CPM: variants seen among roughly 807,000 people sequenced by gnomAD.
The protein encoded by CPM is carboxypeptidase M.
A neutral mutation model predicts 46.4 loss-of-function variants in CPM; 35 were observed. The observed-to-expected ratio is 0.75, with a 90% CI of 0.58 to 1.00. The LOEUF (loss-of-function observed/expected upper bound fraction) is 1.00. CPM is among the 50% of genes least tolerant of loss of function. CPM has a pLI of 0.00. For synonymous variants in CPM, 195 were observed against 195.3 expected, an observed-to-expected ratio of 1.00 and a Z score of 0.01; for missense variants, 422 against 530.4, an observed-to-expected ratio of 0.80 and a Z score of 2.01.
intron 1 of CPM, among the ~76,000 whole-genome samples, chr12:68,951,720 G>A (rs1032293710): frequency 6.6e-6 from 1 of 152,208 alleles, no homozygotes; most frequent in African/African-American, 2.4e-5. Context: ...TGGAAACTGG[G>A]AGGTGCCAGA....
At chr12:68,922,307 G>C (rs1292086405) in intron 2 of CPM, among the ~76,000 whole-genome samples, 1 of 152,214 alleles carries the variant, frequency 6.6e-6, no homozygotes, top group Non-Finnish European at 1.5e-5. Flanking sequence ...AGGAGGCTTA[G>C]TTATGTGTTT....
At chr12:68,866,093 T>C (rs1360852441) in intron 7 of CPM, among the ~76,000 whole-genome samples, 1 of 151,912 alleles carries the variant, frequency 6.6e-6, no homozygotes, top group African/African-American at 2.4e-5. Flanking sequence ...TCTGGCAGAG[T>C]TCGGAGGTGA....
At chr12:68,844,649 GA>G in intron 5 of CPM, 1 of 225,284 alleles carries the variant, frequency 4.4e-6, no homozygotes, top group Non-Finnish European at 8.8e-6. Flanking sequence ...AAGTACATCA[GA>G]AAAAAACAAA....
chr12:68,931,763 A>AAAAAAAAAAAAAAAAAAAG (rs1482981614), intron 2 of CPM, among the ~76,000 whole-genome samples: 1 of 132,504 alleles, frequency 7.5e-6, no homozygotes, highest in African/African-American at 3.1e-5. Context: ...AAAAAAAAAA[A>AAAAAAAAAAAAAAAAAAAG]AAAGAAAGAA....
chr12:68,921,389 G>A (rs931956990), intron 2 of CPM, among the ~76,000 whole-genome samples: 4 of 152,208 alleles, frequency 2.6e-5, no homozygotes, highest in East Asian at 1.9e-4. Flanking sequence ...TGATCCACCC[G>A]CCTCAGCCTC....
chr12:68,921,245 G>A (rs1592697334), intron 2 of CPM, among the ~76,000 whole-genome samples: 2 of 151,244 alleles, frequency 1.3e-5, no homozygotes, highest in African/African-American at 2.4e-5. Flanking sequence ...GGGTTCAAGC[G>A]ATTCTCCTGC....
At chr12:68,944,464 T>C (rs566596926) in intron 1 of CPM, among the ~76,000 whole-genome samples, 52 of 152,166 alleles carry the variant, frequency 3.4e-4, no homozygotes, top group Non-Finnish European at 7.2e-4. Context: ...AGTGCAGTGG[T>C]ATAATCATAG....
intron 3 of CPM, among the ~76,000 whole-genome samples, chr12:68,882,395 T>C (rs901227783): frequency 6.9e-6 from 1 of 144,266 alleles, no homozygotes; most frequent in South Asian, 2.1e-4. Context: ...AAGTGCATGA[T>C]CTTGTTCTTT....
intron 2 of CPM, among the ~76,000 whole-genome samples, chr12:68,905,629 T>C (rs568990070): frequency 7.2e-5 from 11 of 152,098 alleles, no homozygotes; most frequent in African/African-American, 2.4e-4. Context: ...TACATTTTTG[T>C]GCATTAAAAA....
intron 2 of CPM, among the ~76,000 whole-genome samples, chr12:68,893,864 G>C (rs530186512): frequency 6.6e-6 from 1 of 152,322 alleles, no homozygotes; most frequent in South Asian, 2.1e-4. Flanking sequence ...GGTTCTGCGT[G>C]GATCTGGGAA....
chr12:68,843,187 G>C (rs1883947793), intron 5 of CPM: 2 of 223,520 alleles, frequency 8.9e-6, no homozygotes, highest in Non-Finnish European at 1.8e-5. Flanking sequence ...CTTTTAATGG[G>C]TACAGAGTTA....
rs567369447 is a variant in CPM at position 68,924,893 on chromosome 12, T to C, written c.160+7785A>G. On this transcript the variant is annotated intron_variant, in intron 2 of 8. Transcript: ENST00000551568. ...AGTGATCATGAGAGATCTGTGTATG[T>C]GAACATAGTACTTTCCTCTTAGGAG... Among the ~76,000 whole-genome samples, 8 of 152,340 alleles carry C rather than the reference T, an allele frequency of 5.3e-5. No individual in the cohort carries two copies. In the East Asian group the frequency reaches 1.5e-3, roughly 29 times the overall value.
chr12:68,952,305 AC>A (rs1341093967), intron 1 of CPM, among the ~76,000 whole-genome samples: 1 of 152,144 alleles, frequency 6.6e-6, no homozygotes, highest in Non-Finnish European at 1.5e-5. Flanking sequence ...CTTCCCTTAG[AC>A]CCAGGTTAGC....
intron 2 of CPM, among the ~76,000 whole-genome samples, chr12:68,911,012 G>A (rs1053804814): frequency 1.7e-4 from 26 of 152,052 alleles, no homozygotes; most frequent in African/African-American, 3.1e-4. Flanking sequence ...TCACATTGTC[G>A]AGTATATAAC....
intron 2 of CPM, among the ~76,000 whole-genome samples, chr12:68,914,365 A>G (rs1335450124): frequency 6.6e-6 from 1 of 152,174 alleles, no homozygotes; most frequent in Non-Finnish European, 1.5e-5. Context: ...ATGTGTAAAG[A>G]GCCTAGCACA....
chr12:68,932,904 C>G, intron 1 of CPM, 64 bp from the exon 2 acceptor site: 45 of 1,495,724 alleles, frequency 3.0e-5, no homozygotes, highest in Non-Finnish European at 4.1e-5. Flanking sequence ...GCATCACCAG[C>G]TACGTCTCGG....
chr12:68,868,425 G>A (rs779315212), intron 6 of CPM, among the ~76,000 whole-genome samples: 24 of 152,196 alleles, frequency 1.6e-4, no homozygotes, highest in Non-Finnish European at 3.2e-4. Flanking sequence ...ACCTTTGGAA[G>A]TGGCCTGCAC....
rs1313779411 is a variant in CPM at position 68,869,443 on chromosome 12, T to C, written c.669A>G (p.Gln223=). 2 of 1,613,396 alleles carry C rather than the reference T, an allele frequency of 1.2e-6. No individual in the cohort carries two copies. The highest frequency in any genetic ancestry group is 2.2e-5 in the East Asian group (1 of 44,856). Residue 223 remains glutamine, a synonymous_variant, in exon 6 of 9, where the codon CAA becomes CAG. Coordinates refer to ENST00000551568, the MANE Select transcript of CPM (RefSeq NM_198320.5). The part of the protein sequence containing the change: ...RSLTPDDDVF[Q]YLAHTYASRN... Reference sequence around the variant, plus strand: ...TTGAAGCATAGGTATGTGCAAGATATTGAAAAACATCATCATCAGGCGTTA... The same window carrying C: ...TTGAAGCATAGGTATGTGCAAGATACTGAAAAACATCATCATCAGGCGTTA...
At chr12:68,904,942 C>G (rs1213434580) in intron 2 of CPM, among the ~76,000 whole-genome samples, 2 of 152,152 alleles carry the variant, frequency 1.3e-5, no homozygotes, top group Non-Finnish European at 2.9e-5. Flanking sequence ...GAGTTTCATT[C>G]TTGTCGCTCA....
Sources: allele counts gnomAD v4.1 joint callset (sites outside exome capture counted in the v4.1 genomes callset), GRCh38; gene constraint gnomAD v4.1.1; transcripts MANE v1.5; gene names NCBI Gene and HGNC (gene_info 2026-07-23, HGNC 2026-07-21).